The following TNIK variants were observed in gnomAD, a reference collection of about 807,000 sequenced individuals.
The protein encoded by TNIK is TRAF2 and NCK interacting kinase.
A neutral mutation model predicts 191.3 loss-of-function variants in TNIK; 49 were observed. The ratio of observed to expected loss-of-function variants is 0.26; its 90% CI spans 0.20 to 0.32. TNIK has a LOEUF of 0.32. TNIK is among the 10% of genes least tolerant of loss of function. The probability of loss-of-function intolerance (pLI) is 1.00; values close to 1 mark genes in which losing one functional copy is unlikely to be tolerated. For missense variants in TNIK, 1,155 were observed against 1,702.3 expected, an observed-to-expected ratio of 0.68 and a Z score of 5.66; for synonymous variants, 594 against 600.9, an observed-to-expected ratio of 0.99 and a Z score of 0.17.
intron 1 of TNIK, among the ~76,000 whole-genome samples, chr3:171,381,973 G>A (rs541149269): frequency 1.6e-4 from 24 of 152,302 alleles, no homozygotes; most frequent in African/African-American, 4.6e-4. Context: ...CCATGCTACC[G>A]CTAAGCTGCC....
At chr3:171,330,926 C>T (rs1262953516) in intron 2 of TNIK, among the ~76,000 whole-genome samples, 5 of 152,154 alleles carry the variant, frequency 3.3e-5, no homozygotes, top group Non-Finnish European at 7.3e-5. Context: ...TCCGTTTGAC[C>T]TCATTTCAAA....
At chr3:171,428,575 C>G (rs1373957763) in intron 1 of TNIK, among the ~76,000 whole-genome samples, 2 of 152,190 alleles carry the variant, frequency 1.3e-5, no homozygotes, top group Non-Finnish European at 1.5e-5. Context: ...AACAATTGCT[C>G]TGAATCCAGG....
intron 2 of TNIK, among the ~76,000 whole-genome samples, chr3:171,264,481 G>A (rs1486779333): frequency 1.3e-5 from 2 of 151,884 alleles, no homozygotes; most frequent in African/African-American, 4.8e-5. Context: ...TCAGCCCCCC[G>A]AGTAGCTAGG....
chr3:171,110,795 T>G lies in TNIK; in HGVS notation c.2203A>C (p.Thr735Pro), dbSNP rs375952326. The G allele has an allele frequency of 2.7e-5, 43 of 1,603,646 alleles. No individual in the cohort carries two copies. The highest frequency in any genetic ancestry group is 1.7e-4 in the Middle Eastern group (1 of 5,974). ...TGGGAGCTGGGCTGGGAGCTAGGGG[T>G]GCTGGAGCTGGAGGAACTGCCACTG... Reference protein sequence around the residue: ...TSSGSSSSSSTPSSQPSSQGG... With the variant: ...TSSGSSSSSSPPSSQPSSQGG... Residue 735 changes from threonine (T) to proline (P), a missense_variant, in exon 19 of 33, where the codon ACC (threonine) becomes CCC (proline). Coordinates refer to ENST00000436636, the MANE Select transcript of TNIK (RefSeq NM_015028.4).
At chr3:171,240,281 T>G (rs982857831) in intron 2 of TNIK, among the ~76,000 whole-genome samples, 1 of 152,132 alleles carries the variant, frequency 6.6e-6, no homozygotes, top group Non-Finnish European at 1.5e-5. Flanking sequence ...GAGAATTGAC[T>G]ATCTGTAGCT....
At position 171,460,188 on chromosome 3, in the gene TNIK, T is replaced by TC. The variant is rs983189008; in HGVS notation, c.-126dup. On this transcript the variant is annotated 5_prime_UTR_variant, in exon 1 of 33. Coordinates refer to ENST00000436636, the MANE Select transcript of TNIK (RefSeq NM_015028.4). The surrounding 1 kb of genome is among the most constrained non-coding windows in gnomAD (Gnocchi z 6.8). ...CGCGCCAGAGGCCCCGGGCCCAGCC[T>TC]CCCCCGCCCACCCCAGCCCCACAGC... is the stretch of plus-strand genomic sequence containing the variant. The TC allele has an allele frequency of 1.6e-6, 2 of 1,223,330 alleles. No homozygotes were observed. The highest frequency in any genetic ancestry group is 1.5e-5 in the African/African-American group (1 of 66,354). The allele number at this position is 1,223,330 out of a possible 1,614,324, so 75.8% of individuals were successfully genotyped here.
intron 9 of TNIK, among the ~76,000 whole-genome samples, chr3:171,174,225 C>T (rs1269284872): frequency 6.6e-6 from 1 of 152,106 alleles, no homozygotes; most frequent in African/African-American, 2.4e-5. Flanking sequence ...ATTAAGGCTG[C>T]CCCCTGTATG....
rs939205958 is a variant in TNIK at position 171,061,117 on chromosome 3, A to G, written c.*2764T>C. ...GCAATTCAGAAAGTTTGGATGAGCC[A>G]CAAGGACACCATTCTGACGTATTCT... On this transcript the variant is annotated 3_prime_UTR_variant, in exon 33 of 33. Coordinates refer to ENST00000436636, the MANE Select transcript of TNIK (RefSeq NM_015028.4). 3.3e-5 allele frequency among the ~76,000 whole-genome samples: 5 copies of G among 152,200 alleles called. No individual in the cohort carries two copies. The highest frequency in any genetic ancestry group is 7.3e-5 in the Non-Finnish European group (5 of 68,028).
intron 2 of TNIK, among the ~76,000 whole-genome samples, chr3:171,249,034 T>G (rs1181110193): frequency 1.3e-4 from 20 of 152,240 alleles, no homozygotes. Flanking sequence ...AGTAACGGTT[T>G]TATTTTCAGA....
chr3:171,455,205 C>T (rs1022756398), intron 1 of TNIK, among the ~76,000 whole-genome samples: 2 of 151,960 alleles, frequency 1.3e-5, no homozygotes, highest in East Asian at 1.9e-4. Context: ...TAAAAAGAGT[C>T]GGAACCTTCT....
chr3:171,110,618 T>C, intron 19 of TNIK, 96 bp downstream of exon 19: 1 of 1,441,906 alleles, frequency 6.9e-7, no homozygotes, highest in South Asian at 1.4e-5. Context: ...GTGGTGGCCA[T>C]GCCTGGACTA....
intron 2 of TNIK, among the ~76,000 whole-genome samples, chr3:171,282,532 C>T (rs948991562): frequency 5.3e-5 from 8 of 151,786 alleles, no homozygotes; most frequent in African/African-American, 1.5e-4. Flanking sequence ...TTAGTAAAGA[C>T]GGGGTTTCGC....
intron 2 of TNIK, among the ~76,000 whole-genome samples, chr3:171,231,231 AATAAG>A (rs1408034840): frequency 3.3e-5 from 5 of 152,204 alleles, no homozygotes; most frequent in Admixed American, 3.3e-4. Flanking sequence ...TGTTGGAATA[AATAAG>A]ATATCAGCTC....
At chr3:171,278,906 G>T (rs1230526892) in intron 2 of TNIK, among the ~76,000 whole-genome samples, 1 of 152,118 alleles carries the variant, frequency 6.6e-6, no homozygotes, top group African/African-American at 2.4e-5. Context: ...GGTGGAGGGG[G>T]ATATTTTTAA....
intron 21 of TNIK, among the ~76,000 whole-genome samples, chr3:171,102,780 A>AATTC (rs1723805385): frequency 6.6e-6 from 1 of 152,226 alleles, no homozygotes; most frequent in Non-Finnish European, 1.5e-5. Context: ...GTATGCATCC[A>AATTC]ATTCACCTGA....
chr3:171,358,375 A>G (rs1356222029), intron 2 of TNIK, among the ~76,000 whole-genome samples: 1 of 152,190 alleles, frequency 6.6e-6, no homozygotes, highest in African/African-American at 2.4e-5. Flanking sequence ...CACATCTTAC[A>G]TGGTGCAGAC....
intron 1 of TNIK, among the ~76,000 whole-genome samples, chr3:171,447,399 C>A (rs781472411): frequency 5.9e-5 from 9 of 151,978 alleles, no homozygotes; most frequent in Non-Finnish European, 1.0e-4. Context: ...TCTTAAAACA[C>A]CACTATGCTC....
At chr3:171,091,727 TC>T (rs1227989449) in intron 23 of TNIK, among the ~76,000 whole-genome samples, 1 of 151,690 alleles carries the variant, frequency 6.6e-6, no homozygotes, top group African/African-American at 2.4e-5. Flanking sequence ...AGAGCGAGAC[TC>T]CATCTCCAAA....
At chr3:171,139,413 C>A (rs1413031789) in intron 14 of TNIK, 57 bp downstream of exon 14, 1 of 1,503,234 alleles carries the variant, frequency 6.7e-7, no homozygotes, top group African/African-American at 1.4e-5. Context: ...CACACACACA[C>A]AAACACTTGC....
Sources: gnomAD v4.1 joint callset for allele counts (sites outside exome capture counted in the v4.1 genomes callset) on GRCh38, gnomAD v4.1.1 for gene constraint, Gnocchi (gnomAD v3.1) non-coding constraint, MANE v1.5 for transcripts, NCBI Gene and HGNC (gene_info 2026-07-23, HGNC 2026-07-21) for gene names.